The following UVSSA variants were observed in gnomAD, a reference collection of about 807,000 sequenced individuals.
UVSSA encodes the protein UV-stimulated scaffold protein A.
In UVSSA, 72 loss-of-function variants were observed where a neutral mutation model predicts 73.9. The observed-to-expected ratio is 0.97, with a 90% CI of 0.81 to 1.19. The LOEUF is 1.19. UVSSA is among the 50% of genes most tolerant of loss of function. The pLI is 0.00. For missense variants in UVSSA, 1,150 were observed against 965.0 expected, an observed-to-expected ratio of 1.19 and a Z score of -2.54; for synonymous variants, 454 against 391.3, an observed-to-expected ratio of 1.16 and a Z score of -1.89.
chr4:1,382,022 A>G (rs1308870884), intron 12 of UVSSA, among the ~76,000 whole-genome samples: 2 of 152,126 alleles, frequency 1.3e-5, no homozygotes, highest in Non-Finnish European at 2.9e-5. Context: ...GTGGGGGTTC[A>G]CACCTTGTCT....
At chr4:1,355,309 G>A in intron 7 of UVSSA, 64 bp downstream of exon 7, 2 of 1,474,998 alleles carry the variant, frequency 1.4e-6, no homozygotes, top group Admixed American at 2.0e-5. Context: ...GAGAAGCTGT[G>A]GGGGGGTTGT....
At chr4:1,392,064 A>G (rs938014089), downstream of UVSSA, 52 of 152,164 alleles carry the variant, frequency 3.4e-4, no homozygotes, top group African/African-American at 1.1e-3. Flanking sequence ...GTAACATTGT[A>G]ATTTCCTTGT....
upstream of UVSSA, among the ~76,000 whole-genome samples, chr4:1,345,789 A>G (rs765021557): frequency 1.3e-5 from 2 of 152,110 alleles, no homozygotes; most frequent in Non-Finnish European, 2.9e-5. Flanking sequence ...TGGACTTAGC[A>G]ATTGGTAAGA....
chr4:1,355,529 G>A (rs1715592077), intron 7 of UVSSA, among the ~76,000 whole-genome samples: 1 of 152,218 alleles, frequency 6.6e-6, no homozygotes, highest in East Asian at 1.9e-4. Flanking sequence ...GAAGCCACCA[G>A]TCAGGCTGTC....
upstream of UVSSA, among the ~76,000 whole-genome samples, chr4:1,342,359 GCT>G (rs143799662): frequency 1.7e-3 from 264 of 152,192 alleles, 1 homozygote; most frequent in East Asian, 0.044. Flanking sequence ...GACCTGATGC[GCT>G]GATTGTAATT....
chr4:1,347,890 T>G (rs1021363828), intron 1 of UVSSA, 130 bp downstream of exon 1: 8 of 574,596 alleles, frequency 1.4e-5, no homozygotes, highest in Non-Finnish European at 2.5e-5. Context: ...AGTTTAAGGT[T>G]CACTTTTAAA....
At chr4:1,358,109 ACCCAGCG>A (rs1227974543) in intron 7 of UVSSA, 1 of 152,608 alleles carries the variant, frequency 6.6e-6, no homozygotes, top group Non-Finnish European at 1.5e-5. Context: ...AGCCACCCTG[ACCCAGCG>A]CCCAGGGCCT....
chr4:1,349,330 A>T (rs766905231), intron 2 of UVSSA, among the ~76,000 whole-genome samples, 194 bp from the exon 3 acceptor site: 4 of 152,218 alleles, frequency 2.6e-5, no homozygotes, highest in Non-Finnish European at 5.9e-5. Context: ...ACACAGAAAC[A>T]GGCAGGGGCT....
Position 1,353,253 on chromosome 4 carries a change from T to G in UVSSA, c.774T>G (p.Pro258=). ...GEQPCCSRDL[P]ASAGHPRAGG... ...AGCCCTGCTGCAGTAGAGACCTGCCTGCCTCTGCAGGCCACCCCAGAGCGG... is the reference window on the plus strand; with the variant it reads ...AGCCCTGCTGCAGTAGAGACCTGCCGGCCTCTGCAGGCCACCCCAGAGCGG... Residue 258 remains proline, a synonymous_variant, in exon 5 of 14, where the codon CCT becomes CCG. Coordinates refer to ENST00000389851, the MANE Select transcript of UVSSA (RefSeq NM_020894.4). 1 of 1,611,640 alleles carries G rather than the reference T, an allele frequency of 6.2e-7. No homozygotes were observed. The highest frequency in any genetic ancestry group is 8.5e-7 in the Non-Finnish European group (1 of 1,179,820).
At chr4:1,395,491 G>C in exon 14 of UVSSA, 1 of 1,546,492 alleles carries the variant, frequency 6.5e-7, no homozygotes, top group Non-Finnish European at 8.7e-7. Flanking sequence ...ACGTGCCATT[G>C]TGGAGTGCCC....
upstream of UVSSA, chr4:1,347,170 G>C (rs1031111435): frequency 2.0e-5 from 3 of 152,228 alleles, no homozygotes; most frequent in Non-Finnish European, 2.9e-5. Flanking sequence ...TTGGGCACCT[G>C]ACAAGAGGGG....
At chr4:1,379,540 C>A (rs554120011) in intron 10 of UVSSA, among the ~76,000 whole-genome samples, 1 of 152,230 alleles carries the variant, frequency 6.6e-6, no homozygotes, top group Non-Finnish European at 1.5e-5. Flanking sequence ...CAGCACCCGG[C>A]CCCTCTGTGC....
chr4:1,378,427 C>T (rs1315067578), intron 10 of UVSSA, among the ~76,000 whole-genome samples: 1 of 152,230 alleles, frequency 6.6e-6, no homozygotes, highest in Non-Finnish European at 1.5e-5. Flanking sequence ...GTGGCGTGCG[C>T]CTGTAATCCC....
intron 3 of UVSSA, among the ~76,000 whole-genome samples, chr4:1,350,176 A>T (rs1167676963): frequency 6.6e-6 from 1 of 152,182 alleles, no homozygotes; most frequent in East Asian, 1.9e-4. Flanking sequence ...TTTCAGATGC[A>T]ACGTTTTCTG....
upstream of UVSSA, among the ~76,000 whole-genome samples, chr4:1,347,066 G>A (rs563324338): frequency 6.6e-6 from 1 of 152,290 alleles, no homozygotes; most frequent in South Asian, 2.1e-4. Context: ...GCAACGGCGA[G>A]AAAGGCCGCG....
chr4:1,375,262 G>A, intron 8 of UVSSA, 102 bp from the exon 9 acceptor site: 1 of 1,539,078 alleles, frequency 6.5e-7, no homozygotes, highest in Non-Finnish European at 8.8e-7. Context: ...TTGGAAGATG[G>A]AACACGCTAA....
chr4:1,368,993 G>C (rs1318220992), intron 8 of UVSSA, among the ~76,000 whole-genome samples: 1 of 152,234 alleles, frequency 6.6e-6, no homozygotes, highest in Admixed American at 6.5e-5. Context: ...CCTTAGACCT[G>C]CCCCGGTGGA....
chr4:1,394,162 GCACA>G, exon 14 of UVSSA: 1 of 422,860 alleles, frequency 2.4e-6, no homozygotes, highest in Non-Finnish European at 4.3e-6. Context: ...TTCCTCTCGG[GCACA>G]CACACAGCTC....
downstream of UVSSA, chr4:1,388,881 G>A (rs1316117761): frequency 6.6e-6 from 1 of 152,158 alleles, no homozygotes; most frequent in Non-Finnish European, 1.5e-5. Context: ...TATTCATGAG[G>A]GATATTGGGC....
Sources: allele counts gnomAD v4.1 joint callset (sites outside exome capture counted in the v4.1 genomes callset), GRCh38; gene constraint gnomAD v4.1.1; transcripts MANE v1.5; gene names NCBI Gene and HGNC (gene_info 2026-07-23, HGNC 2026-07-21).